KCNMA1: variants seen among roughly 807,000 people sequenced by gnomAD.
KCNMA1 encodes Calcium-activated potassium channel subunit alpha-1.
Under a neutral mutation model 140.0 loss-of-function variants are expected in KCNMA1, and 29 were observed. The ratio of observed to expected loss-of-function variants is 0.21; its 90% CI spans 0.15 to 0.28. The LOEUF (loss-of-function observed/expected upper bound fraction) is 0.28. Ranked by LOEUF, KCNMA1 falls within the 10% of genes least tolerant of loss-of-function variation. The pLI is 1.00. For missense variants in KCNMA1, 880 were observed against 1,602.2 expected, an observed-to-expected ratio of 0.55 and a Z score of 7.70; for synonymous variants, 612 against 611.9, an observed-to-expected ratio of 1.00 and a Z score of 0.00.
At position 77,312,939 on chromosome 10, in the gene KCNMA1, G is replaced by A. The variant is rs533186228; in HGVS notation, c.541-61683C>T. On this transcript the variant is annotated intron_variant, in intron 2 of 27. Transcript: ENST00000286628. ...GCTGGGGGACAAAATAAACAATCATGGACAAATTACCACATGATTTAAAAA... is the reference window on the plus strand; with the variant it reads ...GCTGGGGGACAAAATAAACAATCATAGACAAATTACCACATGATTTAAAAA... 5.3e-4 allele frequency among the ~76,000 whole-genome samples: 81 copies of A among 152,218 alleles called. 1 individual carries two copies. Among genetic ancestry groups the A allele is most frequent in the African/African-American group, 1.9e-3 (80 of 41,530 alleles).
At chr10:77,137,646 T>G (rs2098075279) in intron 5 of KCNMA1, among the ~76,000 whole-genome samples, 1 of 152,204 alleles carries the variant, frequency 6.6e-6, no homozygotes, top group South Asian at 2.1e-4. Flanking sequence ...GAAAAAGGAC[T>G]GTCTCGCTTC....
rs35883503 is a variant in KCNMA1 at position 77,453,364 on chromosome 10, T to TAAATAAATAAATAA, written c.379-49342_379-49341insTTATTTATTTATTT. 4.6e-3 allele frequency among the ~76,000 whole-genome samples: 672 copies of TAAATAAATAAATAA among 145,112 alleles called. 6 individuals are homozygous for TAAATAAATAAATAA. The highest frequency in any genetic ancestry group is 8.5e-3 in the African/African-American group (313 of 36,912). On this transcript the variant is annotated intron_variant, in intron 1 of 27. Transcript: ENST00000286628. ...ATGCTAGAGGTAAAAAATAAATAAA[T>TAAATAAATAAATAA]ATAAATAAATAAATAAATAAATAAA... is the stretch of plus-strand genomic sequence containing the variant.
chr10:77,560,345 A>G (rs1027290467), intron 1 of KCNMA1, among the ~76,000 whole-genome samples: 1 of 152,240 alleles, frequency 6.6e-6, no homozygotes, highest in Non-Finnish European at 1.5e-5. Context: ...CTTTTGTTTA[A>G]TTACATACAT....
chr10:77,023,068 C>T (rs751406358), intron 16 of KCNMA1: 108 of 371,316 alleles, frequency 2.9e-4, no homozygotes, highest in Non-Finnish European at 5.3e-4. Context: ...ATGCCTCTAT[C>T]AGGTCCCTCC....
chr10:77,339,466 A>T (rs571986112), intron 2 of KCNMA1, among the ~76,000 whole-genome samples: 78 of 152,194 alleles, frequency 5.1e-4, no homozygotes, highest in African/African-American at 1.8e-3. Flanking sequence ...AGCAGATGTG[A>T]CTGTGTTTGT....
At chr10:77,300,880 T>C (rs893155170) in intron 2 of KCNMA1, among the ~76,000 whole-genome samples, 4 of 152,118 alleles carry the variant, frequency 2.6e-5, no homozygotes, top group Non-Finnish European at 5.9e-5. Flanking sequence ...ATCCAACAAG[T>C]GGTTCTGAGC....
At chr10:77,520,086 G>A (rs866559337) in intron 1 of KCNMA1, among the ~76,000 whole-genome samples, 6 of 149,470 alleles carry the variant, frequency 4.0e-5, no homozygotes, top group African/African-American at 4.9e-5. Context: ...GTGAGGTCTG[G>A]AGTATGCAGT....
At chr10:77,327,408 C>A (rs1788126212) in intron 2 of KCNMA1, among the ~76,000 whole-genome samples, 1 of 151,920 alleles carries the variant, frequency 6.6e-6, no homozygotes, top group African/African-American at 2.4e-5. Context: ...GGCTGGAATG[C>A]AGTGGTGCAA....
intron 20 of KCNMA1, among the ~76,000 whole-genome samples, chr10:76,965,833 A>G (rs936625323): frequency 7.2e-5 from 11 of 152,184 alleles, no homozygotes; most frequent in East Asian, 5.8e-4. Context: ...AAACCTAGAC[A>G]AGTAATATTA....
chr10:77,143,506 C>T (rs1017014486), intron 5 of KCNMA1, among the ~76,000 whole-genome samples: 3 of 151,978 alleles, frequency 2.0e-5, no homozygotes, highest in African/African-American at 4.8e-5. Context: ...ATAAAGTCAT[C>T]GCCACAAATG....
chr10:76,882,366 GA>G (rs2151532729), downstream of KCNMA1, among the ~76,000 whole-genome samples: 1 of 152,268 alleles, frequency 6.6e-6, no homozygotes, highest in South Asian at 2.1e-4. Flanking sequence ...CAACCGTGGA[GA>G]ACAGTAAGGG....
At chr10:77,369,919 C>T (rs923654598) in intron 2 of KCNMA1, among the ~76,000 whole-genome samples, 1 of 152,202 alleles carries the variant, frequency 6.6e-6, no homozygotes, top group African/African-American at 2.4e-5. Flanking sequence ...AAGGAAACAG[C>T]TCCATATTTA....
chr10:77,526,670 C>T (rs2055805982), intron 1 of KCNMA1, among the ~76,000 whole-genome samples: 1 of 152,166 alleles, frequency 6.6e-6, no homozygotes, highest in Non-Finnish European at 1.5e-5. Flanking sequence ...AAAAGTGGCA[C>T]CTTGAAACTG....
At chr10:76,916,973 T>C (rs545857884) in intron 23 of KCNMA1, among the ~76,000 whole-genome samples, 1 of 152,374 alleles carries the variant, frequency 6.6e-6, no homozygotes, top group Non-Finnish European at 1.5e-5. Flanking sequence ...TTTACATTAA[T>C]ACACTATGAA....
intron 1 of KCNMA1, among the ~76,000 whole-genome samples, chr10:77,436,957 TACACACACACAC>T (rs10536103): frequency 2.3e-4 from 31 of 134,844 alleles, no homozygotes; most frequent in African/African-American, 5.6e-4. Flanking sequence ...CTTCTTTCTT[TACACACACACAC>T]ACACACACAC....
chr10:77,366,453 G>A (rs980016368), intron 2 of KCNMA1, among the ~76,000 whole-genome samples: 1 of 152,164 alleles, frequency 6.6e-6, no homozygotes, highest in Non-Finnish European at 1.5e-5. Context: ...ACAGGCATGA[G>A]CCACCACGCC....
chr10:77,050,976 T>C (rs1458863391), intron 14 of KCNMA1, among the ~76,000 whole-genome samples: 1 of 152,240 alleles, frequency 6.6e-6, no homozygotes, highest in African/African-American at 2.4e-5. Flanking sequence ...ATTTATCTAC[T>C]TAGTCTCTCT....
At chr10:77,294,058 T>C (rs2074210639) in intron 2 of KCNMA1, among the ~76,000 whole-genome samples, 2 of 152,258 alleles carry the variant, frequency 1.3e-5, no homozygotes, top group South Asian at 4.1e-4. Flanking sequence ...GCCACTGCGG[T>C]ACTCAAATCA....
At chr10:77,457,904 C>G (rs1484137399) in intron 1 of KCNMA1, among the ~76,000 whole-genome samples, 2 of 151,412 alleles carry the variant, frequency 1.3e-5, no homozygotes, top group African/African-American at 4.9e-5. Flanking sequence ...GCCTCACAAT[C>G]GCAATGTAGT....
Sources: allele counts gnomAD v4.1 joint callset (sites outside exome capture counted in the v4.1 genomes callset), GRCh38; gene constraint gnomAD v4.1.1; transcripts MANE v1.5; gene names NCBI Gene and HGNC (gene_info 2026-07-23, HGNC 2026-07-21).